HS3ST4: variants seen among roughly 807,000 people sequenced by gnomAD.
HS3ST4 encodes heparan sulfate glucosamine 3-O-sulfotransferase 4.
In HS3ST4, 17 loss-of-function variants were observed where a neutral mutation model predicts 29.2. The observed-to-expected ratio is 0.58, with a 90% CI of 0.40 to 0.87. The LOEUF is 0.87. Among genes scored for constraint, HS3ST4 ranks in the 40% least tolerant of loss-of-function variants. The pLI is 0.00. For synonymous variants in HS3ST4, 314 were observed against 285.7 expected (o/e 1.10, Z -1.00); for missense variants, 627 against 634.5 (o/e 0.99, Z 0.13).
At chr16:25,791,333 G>T (rs1168470566) in intron 1 of HS3ST4, among the ~76,000 whole-genome samples, 2 of 151,976 alleles carry the variant, frequency 1.3e-5, no homozygotes, top group East Asian at 3.8e-4. Context: ...AGCCCTTTAG[G>T]TTTGCTCATT....
At chr16:26,115,454 G>T (rs531592371) in intron 1 of HS3ST4, among the ~76,000 whole-genome samples, 1 of 152,232 alleles carries the variant, frequency 6.6e-6, no homozygotes, top group South Asian at 2.1e-4. Flanking sequence ...ACAGCAGACA[G>T]TCAGGGACAG....
At chr16:25,842,888 G>A (rs1032565697) in intron 1 of HS3ST4, among the ~76,000 whole-genome samples, 4 of 152,162 alleles carry the variant, frequency 2.6e-5, no homozygotes, top group African/African-American at 9.7e-5. Context: ...CCTATAAAAT[G>A]AGGGCAATAA....
At chr16:25,944,543 C>CA (rs1238670002) in intron 1 of HS3ST4, among the ~76,000 whole-genome samples, 1 of 152,220 alleles carries the variant, frequency 6.6e-6, no homozygotes, top group African/African-American at 2.4e-5. Flanking sequence ...AAGTTAAGGA[C>CA]ATTTACATTG....
chr16:25,852,895 A>C (rs1451816420), intron 1 of HS3ST4, among the ~76,000 whole-genome samples: 2 of 152,188 alleles, frequency 1.3e-5, no homozygotes, highest in African/African-American at 2.4e-5. Flanking sequence ...TGCAATGTGA[A>C]GGATGAATCT....
At chr16:25,754,535 G>A (rs189689034) in intron 1 of HS3ST4, among the ~76,000 whole-genome samples, 18 of 151,626 alleles carry the variant, frequency 1.2e-4, no homozygotes, top group Admixed American at 4.6e-4. Context: ...CCCAAGACTC[G>A]GTAATCTATA....
intron 1 of HS3ST4, among the ~76,000 whole-genome samples, chr16:26,089,036 A>T (rs1325978040): frequency 6.6e-6 from 1 of 152,198 alleles, no homozygotes; most frequent in Non-Finnish European, 1.5e-5. Context: ...CTGCCTGTAG[A>T]GTTGCTCCAG....
At chr16:25,798,365 T>C (rs1476966317) in intron 1 of HS3ST4, among the ~76,000 whole-genome samples, 1 of 152,218 alleles carries the variant, frequency 6.6e-6, no homozygotes, top group Non-Finnish European at 1.5e-5. Context: ...TTCATGTTTA[T>C]GTTGGGTCAG....
intron 1 of HS3ST4, among the ~76,000 whole-genome samples, chr16:25,899,483 G>A (rs1214358766): frequency 1.3e-5 from 2 of 149,668 alleles, no homozygotes; most frequent in Non-Finnish European, 3.0e-5. Context: ...GGACAGGTAT[G>A]CTGATTGAAC....
chr16:26,081,202 A>G (rs1317887252), intron 1 of HS3ST4, among the ~76,000 whole-genome samples: 2 of 151,358 alleles, frequency 1.3e-5, no homozygotes, highest in Non-Finnish European at 1.5e-5. Context: ...CAGAAGAATC[A>G]CTTGAGCCCA....
At chr16:25,700,717 C>T (rs1242919343) in intron 1 of HS3ST4, among the ~76,000 whole-genome samples, 1 of 152,048 alleles carries the variant, frequency 6.6e-6, no homozygotes, top group Non-Finnish European at 1.5e-5. Flanking sequence ...TTGGTTTTTG[C>T]GGTTTAACAA....
chr16:25,853,962 C>CA (rs1293942313), intron 1 of HS3ST4, among the ~76,000 whole-genome samples: 1 of 152,182 alleles, frequency 6.6e-6, no homozygotes, highest in Non-Finnish European at 1.5e-5. Context: ...TAGTAGAATT[C>CA]ACCAGTGTAG....
At chr16:26,118,671 A>G (rs368031023) in intron 1 of HS3ST4, among the ~76,000 whole-genome samples, 1 of 152,282 alleles carries the variant, frequency 6.6e-6, no homozygotes, top group East Asian at 1.9e-4. Context: ...ATTTAATATA[A>G]GAGCTGAATG....
chr16:25,766,559 A>G (rs1195832144), intron 1 of HS3ST4, among the ~76,000 whole-genome samples: 1 of 152,170 alleles, frequency 6.6e-6, no homozygotes, highest in African/African-American at 2.4e-5. Context: ...TTGTTTATAT[A>G]TTATCAATTA....
intron 1 of HS3ST4, among the ~76,000 whole-genome samples, chr16:25,894,282 G>A (rs548725527): frequency 2.6e-5 from 4 of 152,106 alleles, no homozygotes; most frequent in Non-Finnish European, 5.9e-5. Flanking sequence ...AGCCTGATTT[G>A]GCTGCAATAA....
intron 1 of HS3ST4, among the ~76,000 whole-genome samples, chr16:25,856,047 G>T (rs1967571302): frequency 6.6e-6 from 1 of 151,986 alleles, no homozygotes; most frequent in African/African-American, 2.4e-5. Flanking sequence ...CCCTGGATAG[G>T]TCTGTTCTCT....
intron 1 of HS3ST4, among the ~76,000 whole-genome samples, chr16:25,982,250 C>T (rs1277644611): frequency 1.3e-5 from 2 of 152,190 alleles, no homozygotes; most frequent in East Asian, 1.9e-4. Context: ...CCTTCACTCA[C>T]CCAGCTGGGT....
At chr16:25,728,394 G>C (rs1567228289) in intron 1 of HS3ST4, among the ~76,000 whole-genome samples, 1 of 152,140 alleles carries the variant, frequency 6.6e-6, no homozygotes, top group Non-Finnish European at 1.5e-5. Flanking sequence ...CCAGTAGCTT[G>C]GCTTCTCTGT....
intron 1 of HS3ST4, among the ~76,000 whole-genome samples, chr16:25,703,162 AAAACAAAC>A (rs898537424): frequency 2.0e-5 from 3 of 152,108 alleles, no homozygotes; most frequent in African/African-American, 7.2e-5. Flanking sequence ...AGTCTGTCTC[AAAACAAAC>A]AAACAAAAAA....
In HS3ST4 at chr16:25,693,050, C is replaced by G. The variant is rs1293944892; in HGVS notation, c.633C>G (p.Arg211=). ...LIIGVKKGGT[R]ALLEAIRVHP... ...TCGGGGTCAAGAAAGGAGGGACCCG[C>G]GCGCTGCTGGAGGCGATCCGCGTGC... The change falls in exon 1 of 2, where the codon CGC becomes CGG. Residue 211 remains arginine, a synonymous_variant. Coordinates refer to ENST00000331351, the MANE Select transcript of HS3ST4 (RefSeq NM_006040.3). The G allele has an allele frequency of 6.2e-7, 1 of 1,610,042 alleles. No individual in the cohort carries two copies. Among genetic ancestry groups the G allele is most frequent in the African/African-American group, 1.3e-5 (1 of 74,844 alleles).
Sources: gnomAD v4.1 joint callset for allele counts (sites outside exome capture counted in the v4.1 genomes callset) on GRCh38, gnomAD v4.1.1 for gene constraint, MANE v1.5 for transcripts, NCBI Gene and HGNC (gene_info 2026-07-23, HGNC 2026-07-21) for gene names.